The following CTNNA3 variants were observed in gnomAD, a reference collection of about 807,000 sequenced individuals.
CTNNA3 encodes the protein catenin alpha 3.
In CTNNA3, 76 loss-of-function variants were observed where a neutral mutation model predicts 95.7. The observed-to-expected ratio is 0.79, with a 90% CI of 0.66 to 0.96. The LOEUF (loss-of-function observed/expected upper bound fraction) is 0.96, where lower values mean the gene tolerates loss of function less well. CTNNA3 is among the 40% of genes least tolerant of loss of function. The probability of loss-of-function intolerance (pLI) is 0.00; values close to 1 mark genes in which losing one functional copy is unlikely to be tolerated. For synonymous variants in CTNNA3, 431 were observed against 374.4 expected (o/e 1.15, Z -1.74); for missense variants, 1,191 against 1,089.8 (o/e 1.09, Z -1.31).
At chr10:66,114,478 G>A (rs1402533351) in intron 13 of CTNNA3, among the ~76,000 whole-genome samples, 2 of 147,800 alleles carry the variant, frequency 1.4e-5, no homozygotes, top group Non-Finnish European at 3.0e-5. Flanking sequence ...GTGCGTATAT[G>A]TATATATGTG....
At position 67,043,200 on chromosome 10, in the gene CTNNA3, C is replaced by T. The variant is rs1854516221; in HGVS notation, c.1047+137117G>A. ...ATTTCCAACTTTTCTCCCTATAGCT[C>T]ACATACTTGAAGTGTGCCAAGAACA... On this transcript the variant is annotated intron_variant, in intron 7 of 17. Coordinates refer to ENST00000433211, the MANE Select transcript of CTNNA3 (RefSeq NM_013266.4). Among the ~76,000 whole-genome samples, 4 of 148,906 alleles carry T rather than the reference C, an allele frequency of 2.7e-5. No individual in the cohort carries two copies. The Admixed American group carries it at 2.7e-4, about 10-fold the overall frequency.
intron 5 of CTNNA3, among the ~76,000 whole-genome samples, chr10:67,478,164 G>T (rs1295380696): frequency 6.6e-6 from 1 of 152,114 alleles, no homozygotes; most frequent in Non-Finnish European, 1.5e-5. Flanking sequence ...AATGAACAAA[G>T]TCATTGAGAA....
chr10:66,005,808 G>A (rs1449595327), intron 15 of CTNNA3, among the ~76,000 whole-genome samples: 1 of 151,814 alleles, frequency 6.6e-6, no homozygotes, highest in African/African-American at 2.4e-5. Context: ...GACACCCATG[G>A]ACCTTGAAAA....
chr10:66,846,024 C>T (rs1041136106), intron 7 of CTNNA3, among the ~76,000 whole-genome samples: 2 of 151,740 alleles, frequency 1.3e-5, no homozygotes, highest in African/African-American at 4.8e-5. Context: ...CCCAGCTACT[C>T]GGGAGGTCAA....
At chr10:67,397,849 A>T (rs1336125633) in intron 5 of CTNNA3, among the ~76,000 whole-genome samples, 1 of 152,238 alleles carries the variant, frequency 6.6e-6, no homozygotes, top group Non-Finnish European at 1.5e-5. Context: ...ATGGCTTCAG[A>T]GGGTGCAAGC....
intron 7 of CTNNA3, among the ~76,000 whole-genome samples, chr10:67,167,937 A>C (rs1392235730): frequency 6.6e-6 from 1 of 152,158 alleles, no homozygotes; most frequent in Non-Finnish European, 1.5e-5. Context: ...GTTCCAGACC[A>C]CCCTGGCCAA....
Position 66,425,569 on chromosome 10 carries a change from T to C in CTNNA3, c.1532-46217A>G, listed in dbSNP as rs564136092. Reference sequence around the variant, plus strand: ...GACAAGAATCTTAGCATATTTAAAGTACTAATGGAACCTTCCTCTTCCTTC... The same window carrying C: ...GACAAGAATCTTAGCATATTTAAAGCACTAATGGAACCTTCCTCTTCCTTC... On this transcript the variant is annotated intron_variant, in intron 11 of 17. Coordinates refer to ENST00000433211, the MANE Select transcript of CTNNA3 (RefSeq NM_013266.4). 4.6e-5 allele frequency among the ~76,000 whole-genome samples: 7 copies of C among 152,148 alleles called. No homozygotes were observed. The East Asian group carries it at 1.4e-3, about 29-fold the overall frequency.
At chr10:66,413,661 C>G (rs1386991338) in intron 11 of CTNNA3, among the ~76,000 whole-genome samples, 1 of 152,072 alleles carries the variant, frequency 6.6e-6, no homozygotes, top group African/African-American at 2.4e-5. Context: ...TTTATAAAGG[C>G]ATGGAAATAC....
At chr10:66,191,392 A>G (rs1265072210) in intron 13 of CTNNA3, among the ~76,000 whole-genome samples, 1 of 152,128 alleles carries the variant, frequency 6.6e-6, no homozygotes, top group Non-Finnish European at 1.5e-5. Flanking sequence ...ATCTCTCCAG[A>G]ATAGCCTGTC....
Position 67,486,532 on chromosome 10 carries a change from T to C in CTNNA3, c.579+35310A>G, listed in dbSNP as rs114918160. ...CAATTTCTGCTTCCCTACCATACTT[T>C]GGTAGGTCCCCAAGTTTAACCTCTA... On this transcript the variant is annotated intron_variant, in intron 5 of 17. Coordinates refer to ENST00000433211, the MANE Select transcript of CTNNA3 (RefSeq NM_013266.4). Among the ~76,000 whole-genome samples the C allele has an allele frequency of 3.6e-3, 553 of 152,276 alleles. 8 individuals are homozygous for C. The highest frequency in any genetic ancestry group is 0.013 in the African/African-American group (530 of 41,568).
rs530703643 is a variant in CTNNA3 at position 65,957,291 on chromosome 10, G to A, written c.2400+9321C>T. 1.8e-4 allele frequency among the ~76,000 whole-genome samples: 28 copies of A among 152,194 alleles called. No individual in the cohort carries two copies. The South Asian group carries it at 2.3e-3, about 12-fold the overall frequency. On this transcript the variant is annotated intron_variant, in intron 17 of 17. Coordinates refer to ENST00000433211, the MANE Select transcript of CTNNA3 (RefSeq NM_013266.4). ...TTTGAGCCTATGTGTGTCTCTGCAC[G>A]TGAGATGGGTCTCCTGAATACAGCA...
chr10:66,383,954 C>A (rs1050479643), intron 11 of CTNNA3, among the ~76,000 whole-genome samples: 7 of 152,136 alleles, frequency 4.6e-5, no homozygotes, highest in Admixed American at 4.6e-4. Context: ...AAGCATGAAA[C>A]ATGGAAAGAA....
intron 11 of CTNNA3, among the ~76,000 whole-genome samples, chr10:66,410,036 C>G (rs1239043492): frequency 1.3e-5 from 2 of 152,178 alleles, no homozygotes; most frequent in Non-Finnish European, 2.9e-5. Context: ...ATTAAGTAAT[C>G]TGTGCTAAAA....
At chr10:66,649,823 T>A (rs893397501) in intron 9 of CTNNA3, among the ~76,000 whole-genome samples, 5 of 152,152 alleles carry the variant, frequency 3.3e-5, no homozygotes, top group Non-Finnish European at 5.9e-5. Context: ...GATGTAGGCA[T>A]AAGCCTGACC....
chr10:66,601,659 T>C (rs1843927514), intron 10 of CTNNA3, among the ~76,000 whole-genome samples: 1 of 151,912 alleles, frequency 6.6e-6, no homozygotes, highest in Admixed American at 6.6e-5. Flanking sequence ...TCTCCTTGGG[T>C]AATCCAAAAT....
chr10:66,822,688 A>G (rs1842344284), intron 7 of CTNNA3, among the ~76,000 whole-genome samples: 1 of 152,196 alleles, frequency 6.6e-6, no homozygotes, highest in African/African-American at 2.4e-5. Context: ...CACAGATCCT[A>G]TTAAAGAAAG....
chr10:67,443,481 T>A (rs1313253028), intron 5 of CTNNA3, among the ~76,000 whole-genome samples: 1 of 151,798 alleles, frequency 6.6e-6, no homozygotes, highest in Non-Finnish European at 1.5e-5. Flanking sequence ...TTTTAATGAT[T>A]GCCGTTCTAA....
At chr10:66,717,828 G>T (rs756257552) in intron 9 of CTNNA3, among the ~76,000 whole-genome samples, 1 of 152,134 alleles carries the variant, frequency 6.6e-6, no homozygotes, top group Admixed American at 6.6e-5. Flanking sequence ...GAATGCTGAC[G>T]ATTCAATTTG....
At chr10:66,171,551 A>C (rs1002195239) in intron 13 of CTNNA3, among the ~76,000 whole-genome samples, 20 of 152,020 alleles carry the variant, frequency 1.3e-4, no homozygotes, top group African/African-American at 4.3e-4. Flanking sequence ...ATCTCAAAAA[A>C]AAAAAAAATT....
Sources: allele counts gnomAD v4.1 joint callset (sites outside exome capture counted in the v4.1 genomes callset), GRCh38; gene constraint gnomAD v4.1.1; transcripts MANE v1.5; gene names NCBI Gene and HGNC (gene_info 2026-07-23, HGNC 2026-07-21).